Variants in TFEC observed in about 807,000 individuals in gnomAD.
TFEC encodes the protein class E basic helix-loop-helix protein 34.
TFEC carries 31 observed loss-of-function variants against 41.6 expected under a neutral mutation model. The observed-to-expected ratio is 0.74, with a 90% confidence interval of 0.56 to 1.01. The LOEUF (loss-of-function observed/expected upper bound fraction) is 1.01. Ranked by LOEUF, TFEC falls within the 50% of genes least tolerant of loss-of-function variation. The probability of loss-of-function intolerance (pLI) is 0.00; values close to 1 mark genes in which losing one functional copy is unlikely to be tolerated. For missense variants in TFEC, 402 were observed against 404.1 expected, an observed-to-expected ratio of 0.99 and a Z score of 0.04; for synonymous variants, 143 against 140.6, an observed-to-expected ratio of 1.02 and a Z score of -0.12.
intron 3 of TFEC, among the ~76,000 whole-genome samples, chr7:116,061,184 T>C (rs1796548138): frequency 6.6e-6 from 1 of 152,020 alleles, no homozygotes; most frequent in African/African-American, 2.4e-5. Context: ...AAGATAAAGG[T>C]TGGAAGATTA....
chr7:115,972,516 C>T (rs1054821436), intron 3 of TFEC, among the ~76,000 whole-genome samples: 1 of 152,080 alleles, frequency 6.6e-6, no homozygotes, highest in Non-Finnish European at 1.5e-5. Context: ...ATTGTCATCT[C>T]TTGACATGTG....
intron 3 of TFEC, among the ~76,000 whole-genome samples, chr7:116,096,421 TAAAAC>T (rs1419707767): frequency 6.6e-6 from 1 of 152,188 alleles, no homozygotes; most frequent in Non-Finnish European, 1.5e-5. Context: ...TCTCCAAAAA[TAAAAC>T]AAAAGAAAAA....
chr7:116,087,837 T>C (rs1287896656), intron 3 of TFEC, among the ~76,000 whole-genome samples: 1 of 152,094 alleles, frequency 6.6e-6, no homozygotes, highest in Non-Finnish European at 1.5e-5. Context: ...TGCATTAATG[T>C]CAGAGCCAAA....
intron 1 of TFEC, among the ~76,000 whole-genome samples, chr7:116,150,470 T>C (rs953856340): frequency 2.0e-5 from 3 of 152,116 alleles, no homozygotes; most frequent in African/African-American, 4.8e-5. Context: ...GACATTCTTG[T>C]CAGTTTTATT....
Position 116,009,311 on chromosome 7 carries a change from C to G in TFEC, c.-73+21322G>C, listed in dbSNP as rs73218445. ...GAGACTGTCAACTTCATTTTGGCCT[C>G]AAAACAATACAACAGCCATGCACAT... On this transcript the variant is annotated intron_variant, in intron 1 of 7. Coordinates refer to ENST00000265440, the MANE Select transcript of TFEC (RefSeq NM_012252.4). 3.4e-3 allele frequency among the ~76,000 whole-genome samples: 518 copies of G among 152,196 alleles called. 3 individuals are homozygous for G. The highest frequency in any genetic ancestry group is 7.3e-3 in the Admixed American group (111 of 15,282).
chr7:116,094,067 A>C (rs1476003975), intron 3 of TFEC, among the ~76,000 whole-genome samples: 1 of 152,240 alleles, frequency 6.6e-6, no homozygotes, highest in East Asian at 1.9e-4. Context: ...GGACAAGTAT[A>C]GAAACCACTG....
Position 116,129,244 on chromosome 7 carries a change from G to A in TFEC, c.-68-17206C>T, listed in dbSNP as rs1017153170. Among the ~76,000 whole-genome samples the A allele has an allele frequency of 5.9e-5, 9 of 152,086 alleles. No individual in the cohort carries two copies. The East Asian group carries it at 1.4e-3, about 23-fold the overall frequency. ...TGTCCCAATATCTGGACAGGTTGTT[G>A]TGTATACTCAGGAGACAGTGGTTCT... On this transcript the variant is annotated intron_variant, in intron 1 of 8. Transcript: ENST00000484212.
chr7:116,013,542 C>T (rs1795080491), intron 1 of TFEC, among the ~76,000 whole-genome samples: 1 of 152,098 alleles, frequency 6.6e-6, no homozygotes, highest in Non-Finnish European at 1.5e-5. Context: ...AGTGACTTAA[C>T]TTGTACTTCC....
chr7:116,156,963 T>C (rs532453650), intron 1 of TFEC, among the ~76,000 whole-genome samples: 50 of 152,300 alleles, frequency 3.3e-4, no homozygotes, highest in African/African-American at 1.1e-3. Context: ...GTCTTACCTT[T>C]TGTTTAATAC....
intron 3 of TFEC, among the ~76,000 whole-genome samples, chr7:116,109,197 G>A (rs958087212): frequency 6.6e-6 from 1 of 151,800 alleles, no homozygotes; most frequent in Non-Finnish European, 1.5e-5. Context: ...CAAAAGCAAT[G>A]GCAACAAAAG....
rs1217174217 is a variant in TFEC, at chr7:115,937,980, G to A, written c.*2571C>T. On this transcript the variant is annotated 3_prime_UTR_variant, in exon 8 of 8. Transcript: ENST00000265440. ...ATTTTTAATGTATTTCAGTTGACCG[G>A]GACACAGCATAACTCTTTACTCTCT... The A allele has an allele frequency of 6.6e-6, 1 of 151,670 alleles. No individual in the cohort carries two copies. Among genetic ancestry groups the A allele is most frequent in the African/African-American group, 2.4e-5 (1 of 41,360 alleles). 9.4% of individuals were successfully genotyped at this position (151,670 alleles called of 1,614,324 possible). A position where few individuals can be genotyped will look rare whatever the true frequency, so the allele number is the denominator to read the frequency against.
At chr7:116,103,803 T>C (rs1797657852) in intron 3 of TFEC, among the ~76,000 whole-genome samples, 1 of 152,214 alleles carries the variant, frequency 6.6e-6, no homozygotes, top group East Asian at 1.9e-4. Context: ...GTTTGTTGAG[T>C]ATATATTATT....
intron 1 of TFEC, among the ~76,000 whole-genome samples, chr7:116,003,274 AAAGT>A (rs2130783397): frequency 6.6e-6 from 1 of 152,266 alleles, no homozygotes; most frequent in Non-Finnish European, 1.5e-5. Flanking sequence ...TAAATAATTA[AAAGT>A]AAGTGGATGG....
At chr7:115,941,815 A>G (rs1793517701) in intron 7 of TFEC, 78 bp downstream of exon 7, 3 of 1,489,704 alleles carry the variant, frequency 2.0e-6, no homozygotes, top group Admixed American at 2.3e-5. Flanking sequence ...GAAAAAATAA[A>G]TGAGACCAAT....
At chr7:115,999,295 G>A (rs1292662035) in intron 1 of TFEC, among the ~76,000 whole-genome samples, 2 of 151,848 alleles carry the variant, frequency 1.3e-5, no homozygotes, top group Non-Finnish European at 2.9e-5. Context: ...TGAAACAAAT[G>A]ATAATGAAAA....
At chr7:116,137,961 C>A (rs911264665) in intron 1 of TFEC, among the ~76,000 whole-genome samples, 3 of 151,770 alleles carry the variant, frequency 2.0e-5, no homozygotes, top group African/African-American at 7.3e-5. Context: ...ATCAAGAATT[C>A]TAGATTTCCA....
chr7:116,091,159 TA>T (rs1166038304), intron 3 of TFEC, among the ~76,000 whole-genome samples: 1 of 152,180 alleles, frequency 6.6e-6, no homozygotes, highest in Non-Finnish European at 1.5e-5. Context: ...ACTGTAGACT[TA>T]AAAGAGAATA....
chr7:116,092,118 A>G (rs73220453), intron 3 of TFEC, among the ~76,000 whole-genome samples: 6,463 of 152,210 alleles, frequency 0.042, 193 homozygotes, highest in Middle Eastern at 0.061. Context: ...AAACTTCCAA[A>G]TATAGGGACC....
intron 1 of TFEC, among the ~76,000 whole-genome samples, chr7:116,027,747 G>A (rs1795641043): frequency 6.6e-6 from 1 of 152,180 alleles, no homozygotes; most frequent in African/African-American, 2.4e-5. Flanking sequence ...GTGGCAAACT[G>A]AGAAAGCATG....
Sources: allele counts gnomAD v4.1 joint callset (sites outside exome capture counted in the v4.1 genomes callset), GRCh38; gene constraint gnomAD v4.1.1; transcripts MANE v1.5; gene names NCBI Gene and HGNC (gene_info 2026-07-23, HGNC 2026-07-21).